PCDHGA6: variants seen among roughly 807,000 people sequenced by gnomAD.
The protein encoded by PCDHGA6 is protocadherin gamma-A6.
PCDHGA6 carries 41 observed loss-of-function variants against 60.6 expected under a neutral mutation model. The observed-to-expected ratio is 0.68, with a 90% CI of 0.53 to 0.88. PCDHGA6 has a LOEUF of 0.88. Among genes scored for constraint, PCDHGA6 ranks in the 40% least tolerant of loss-of-function variants. The pLI, the probability that PCDHGA6 is intolerant of heterozygous loss-of-function variation, is 0.00. For missense variants in PCDHGA6, 1,312 were observed against 1,203.0 expected (o/e 1.09, Z -1.34); for synonymous variants, 594 against 524.4 (o/e 1.13, Z -1.81).
chr5:141,391,873 T>G (rs1023590638), intron 1 of PCDHGA6: 2 of 152,216 alleles, frequency 1.3e-5, no homozygotes, highest in African/African-American at 4.8e-5. Flanking sequence ...TAATCATCTC[T>G]TTGGTGAAAG....
At chr5:141,420,327 A>G in intron 1 of PCDHGA6, 1 of 1,425,478 alleles carries the variant, frequency 7.0e-7, no homozygotes, top group South Asian at 1.5e-5. Context: ...ATGCCAATAT[A>G]TTCCAATATA....
At chr5:141,398,983 C>T (rs2093734558) in intron 1 of PCDHGA6, 1 of 1,613,944 alleles carries the variant, frequency 6.2e-7, no homozygotes. Context: ...CAGAACCGGG[C>T]AAATCTTTAG....
Position 141,374,107 on chromosome 5 carries a change from G to A in PCDHGA6, c.24G>A (p.Pro8=). 1.9e-6 allele frequency: 3 copies of A among 1,573,706 alleles called. No homozygotes were observed. The highest frequency in any genetic ancestry group is 8.6e-7 in the Non-Finnish European group (1 of 1,157,878). The change falls in exon 1 of 4, where the codon CCG becomes CCA. Residue 8 remains proline, a synonymous_variant. Coordinates refer to ENST00000517434, the MANE Select transcript of PCDHGA6 (RefSeq NM_018919.3). MAPPQRH[P]QRSEQVLLLT... Reference sequence around the variant, plus strand: ...TAATGGCGCCTCCGCAGAGGCATCCGCAGCGCAGCGAGCAGGTCCTGCTCC... The same window carrying A: ...TAATGGCGCCTCCGCAGAGGCATCCACAGCGCAGCGAGCAGGTCCTGCTCC...
rs773389466 is a variant in PCDHGA6, at chr5:141,388,420, C to T, written c.2424+11913C>T. The T allele has an allele frequency of 3.1e-6, 5 of 1,613,778 alleles. No homozygotes were observed. The South Asian group carries it at 4.4e-5, about 14-fold the overall frequency. ...CAACTCAGTCCCAGTGATCATTTCT[C>T]ACTGATAAATAAAGAGAAATCAGAT... On this transcript the variant is annotated intron_variant, in intron 1 of 3. Coordinates refer to ENST00000517434, the MANE Select transcript of PCDHGA6 (RefSeq NM_018919.3).
Position 141,432,148 on chromosome 5 carries a change from G to C in PCDHGA6, c.2424+55641G>C. ...CCTCCTATTCCGCTTATATCCCAGA[G>C]AACAATCCCAGAGGAGTTTCCCTCG... On this transcript the variant is annotated intron_variant, in intron 1 of 3. Coordinates refer to ENST00000517434, the MANE Select transcript of PCDHGA6 (RefSeq NM_018919.3). The surrounding 1 kb of genome is among the most constrained non-coding windows in gnomAD (Gnocchi z 6.0). 6.2e-7 allele frequency: 1 copy of C among 1,614,002 alleles called. No individual in the cohort carries two copies. Among genetic ancestry groups the C allele is most frequent in the East Asian group, 2.2e-5 (1 of 44,876 alleles).
At chr5:141,404,022 G>C (rs2094476462) in intron 1 of PCDHGA6, 1 of 1,613,754 alleles carries the variant, frequency 6.2e-7, no homozygotes, top group Admixed American at 1.7e-5. Context: ...AGCCCAGTGA[G>C]AGAAGACGCA....
intron 1 of PCDHGA6, chr5:141,426,867 G>C (rs1436078091): frequency 2.2e-6 from 1 of 456,590 alleles, no homozygotes; most frequent in African/African-American, 2.0e-5. Flanking sequence ...ATTAGTGCTG[G>C]AGAAGCCCCT....
At chr5:141,433,848 A>AAC (rs1403081382) in intron 1 of PCDHGA6, among the ~76,000 whole-genome samples, 1 of 151,964 alleles carries the variant, frequency 6.6e-6, no homozygotes, top group South Asian at 2.1e-4. Context: ...AAAAAAAAAA[A>AAC]AAAAAAACTT....
rs767337670 is a variant in PCDHGA6 at position 141,433,083 on chromosome 5, A to G, written c.2424+56576A>G. 8.1e-6 allele frequency: 13 copies of G among 1,614,174 alleles called. 1 individual carries two copies. Among genetic ancestry groups the G allele is most frequent in the Non-Finnish European group, 9.3e-6 (11 of 1,180,024 alleles). ...CACCTGATCTTCCCCCAGCCCAACT[A>G]TGCAGACATGCTCGTCAGCCAGGAG... On this transcript the variant is annotated intron_variant, in intron 1 of 3. Coordinates refer to ENST00000517434, the MANE Select transcript of PCDHGA6 (RefSeq NM_018919.3).
intron 1 of PCDHGA6, chr5:141,394,008 G>A: frequency 1.2e-6 from 2 of 1,613,330 alleles, no homozygotes; most frequent in South Asian, 2.2e-5. Context: ...AAAGTCAATA[G>A]GTAATTATTA....
intron 1 of PCDHGA6, chr5:141,422,759 A>G (rs2096670710): frequency 6.2e-7 from 1 of 1,613,252 alleles, no homozygotes; most frequent in Non-Finnish European, 8.5e-7. Flanking sequence ...ATTAACTCCA[A>G]CACTGGTGTT....
At chr5:141,383,054 T>G in intron 1 of PCDHGA6, 3 of 1,613,872 alleles carry the variant, frequency 1.9e-6, no homozygotes, top group Non-Finnish European at 2.5e-6. Context: ...GCCAAGGACC[T>G]GGGGCTGGAG....
intron 2 of PCDHGA6, among the ~76,000 whole-genome samples, chr5:141,498,971 G>GGAA (rs2099787559): frequency 9.0e-6 from 1 of 110,972 alleles, no homozygotes; most frequent in African/African-American, 3.6e-5. Flanking sequence ...GAGGGAGGGA[G>GGAA]GGAAGGAAGG....
rs372458558 is a variant in PCDHGA6, at chr5:141,384,112, G to A, written c.2424+7605G>A. On this transcript the variant is annotated intron_variant, in intron 1 of 3. Transcript: ENST00000517434. ...ATCAATAGATAATTATTATAGATTG[G>A]TCACAACCAAAAACTTGGACCGGGA... The A allele has an allele frequency of 8.1e-6, 13 of 1,605,274 alleles. No individual in the cohort carries two copies. The South Asian group carries it at 8.9e-5, about 11-fold the overall frequency.
intron 1 of PCDHGA6, among the ~76,000 whole-genome samples, chr5:141,488,554 T>C (rs1313975033): frequency 6.6e-6 from 1 of 152,064 alleles, no homozygotes; most frequent in African/African-American, 2.4e-5. Context: ...CAGCTGACAT[T>C]GAGATTTCCG....
intron 1 of PCDHGA6, among the ~76,000 whole-genome samples, chr5:141,452,137 G>A (rs2154563838): frequency 6.6e-6 from 1 of 152,162 alleles, no homozygotes; most frequent in East Asian, 1.9e-4. Flanking sequence ...TGGCTCATGT[G>A]TTTTTTCCAA....
chr5:141,454,893 C>T (rs1414320972), intron 1 of PCDHGA6, among the ~76,000 whole-genome samples: 7 of 146,892 alleles, frequency 4.8e-5, no homozygotes, highest in Admixed American at 1.4e-4. Flanking sequence ...CTGCTAGCAC[C>T]GCCTCCCGGG....
In PCDHGA6 at chr5:141,485,629, C is replaced by G. The variant is rs1028146827; in HGVS notation, c.2425-9178C>G. The G allele has an allele frequency of 1.2e-6, 2 of 1,611,902 alleles. No individual in the cohort carries two copies. The highest frequency in any genetic ancestry group is 3.3e-5 in the Admixed American group (2 of 59,922). On this transcript the variant is annotated intron_variant, in intron 1 of 3. Coordinates refer to ENST00000517434, the MANE Select transcript of PCDHGA6 (RefSeq NM_018919.3). This position sits in a 1 kb window ranked among gnomAD's most constrained non-coding sequence, Gnocchi z 5.7. ...AGGCAGCTCCTCCAGGACAGCGTTTCCCGTTGGAAAAGGCTCAGGATGCAG... is the reference window on the plus strand; with the variant it reads ...AGGCAGCTCCTCCAGGACAGCGTTTGCCGTTGGAAAAGGCTCAGGATGCAG...
At chr5:141,484,451 T>G (rs2099596635) in intron 1 of PCDHGA6, among the ~76,000 whole-genome samples, 2 of 152,264 alleles carry the variant, frequency 1.3e-5, no homozygotes, top group South Asian at 4.1e-4. Flanking sequence ...TTTAATTGGC[T>G]ACGTTAATGT....
Sources: gnomAD v4.1 joint callset for allele counts (sites outside exome capture counted in the v4.1 genomes callset) on GRCh38, gnomAD v4.1.1 for gene constraint, Gnocchi (gnomAD v3.1) non-coding constraint, MANE v1.5 for transcripts, NCBI Gene and HGNC (gene_info 2026-07-23, HGNC 2026-07-21) for gene names.